Variants in FRMD3 observed in about 807,000 individuals in gnomAD.
FRMD3 encodes FERM domain-containing protein 3.
Under a neutral mutation model 70.2 loss-of-function variants are expected in FRMD3, and 33 were observed. That is an observed-to-expected ratio of 0.47 (90% CI 0.36 to 0.63). The LOEUF (loss-of-function observed/expected upper bound fraction) is 0.63. Among genes scored for constraint, FRMD3 ranks in the 20% least tolerant of loss-of-function variants. FRMD3 has a pLI of 0.00. For missense variants in FRMD3, 632 were observed against 711.4 expected, an observed-to-expected ratio of 0.89 and a Z score of 1.27; for synonymous variants, 279 against 255.9, an observed-to-expected ratio of 1.09 and a Z score of -0.86.
At chr9:83,569,242 T>C in the FRMD3 span, among the ~76,000 whole-genome samples, 2 of 152,218 alleles carry the variant, frequency 1.3e-5, no homozygotes, top group African/African-American at 2.4e-5. Context: ...AAAGAAAACA[T>C]GTAGATACTT....
intron 1 of FRMD3, among the ~76,000 whole-genome samples, chr9:83,441,764 T>C (rs1331760787): frequency 6.6e-6 from 1 of 152,162 alleles, no homozygotes; most frequent in Non-Finnish European, 1.5e-5. Flanking sequence ...TCGGTTGTTA[T>C]CTGCGGACGC....
At chr9:83,535,680 A>G (rs1587538467) in intron 1 of FRMD3, among the ~76,000 whole-genome samples, 1 of 151,990 alleles carries the variant, frequency 6.6e-6, no homozygotes, top group African/African-American at 2.4e-5. Flanking sequence ...GTGGCCCAAG[A>G]CAATTCTTCT....
intron 1 of FRMD3, among the ~76,000 whole-genome samples, chr9:83,423,914 G>A (rs1180399788): frequency 6.6e-6 from 1 of 152,100 alleles, no homozygotes; most frequent in Non-Finnish European, 1.5e-5. Flanking sequence ...CCTGTTTCAA[G>A]TTCCCAGCCA....
At chr9:83,388,978 C>T (rs1342389376) in intron 2 of FRMD3, among the ~76,000 whole-genome samples, 1 of 131,180 alleles carries the variant, frequency 7.6e-6, no homozygotes, top group East Asian at 2.3e-4. Flanking sequence ...CAGGATCTTG[C>T]TCTGTAACCC....
intron 3 of FRMD3, among the ~76,000 whole-genome samples, chr9:83,361,558 G>C (rs1042957213): frequency 6.6e-6 from 1 of 152,168 alleles, no homozygotes; most frequent in African/African-American, 2.4e-5. Context: ...CACAAAGGGG[G>C]CTAGAGGTAG....
intron 6 of FRMD3, among the ~76,000 whole-genome samples, chr9:83,317,114 A>G (rs913461322): frequency 6.6e-6 from 1 of 151,868 alleles, no homozygotes; most frequent in Non-Finnish European, 1.5e-5. Flanking sequence ...GTGGCAGAGC[A>G]AGAAAGATCC....
chr9:83,360,591 G>A (rs954947911), intron 3 of FRMD3, among the ~76,000 whole-genome samples: 1 of 152,088 alleles, frequency 6.6e-6, no homozygotes, highest in Non-Finnish European at 1.5e-5. Context: ...TACTGCCCCA[G>A]AGATATAAGG....
At chr9:83,437,668 G>A (rs1827175191) in intron 1 of FRMD3, among the ~76,000 whole-genome samples, 1 of 152,080 alleles carries the variant, frequency 6.6e-6, no homozygotes, top group South Asian at 2.1e-4. Context: ...ATACCAAGCA[G>A]ATTCCACCAT....
intron 3 of FRMD3, among the ~76,000 whole-genome samples, chr9:83,354,245 A>G (rs1225496002): frequency 3.9e-5 from 6 of 152,056 alleles, no homozygotes; most frequent in African/African-American, 1.5e-4. Context: ...GTCTTATGGA[A>G]TCAACCTAAG....
intron 10 of FRMD3, among the ~76,000 whole-genome samples, chr9:83,308,543 G>A (rs1195186654): frequency 6.6e-6 from 1 of 152,150 alleles, no homozygotes; most frequent in Non-Finnish European, 1.5e-5. Flanking sequence ...AGGTCCAGGG[G>A]TGTACAGTGC....
chr9:83,579,693 T>C, the FRMD3 span, among the ~76,000 whole-genome samples: 542 of 152,196 alleles, frequency 3.6e-3, no homozygotes, highest in Middle Eastern at 0.01. Context: ...GACAAAAGCA[T>C]AGGCAGAAAT....
intron 1 of FRMD3, among the ~76,000 whole-genome samples, chr9:83,450,230 G>C (rs370781085): frequency 8.5e-5 from 12 of 141,762 alleles, no homozygotes; most frequent in Admixed American, 3.5e-4. Flanking sequence ...CACACACACA[G>C]ACACACACAC....
At chr9:83,523,116 G>A (rs1049140078) in intron 1 of FRMD3, among the ~76,000 whole-genome samples, 8 of 152,118 alleles carry the variant, frequency 5.3e-5, no homozygotes, top group Non-Finnish European at 1.2e-4. Flanking sequence ...GTCCCCAACA[G>A]AGGTATTCAA....
chr9:83,279,431 T>G (rs1833896951), intron 13 of FRMD3: 1 of 152,194 alleles, frequency 6.6e-6, no homozygotes, highest in African/African-American at 2.4e-5. Context: ...ATGGCACCAT[T>G]TGTCCAAGGA....
At chr9:83,325,439 AC>A (rs753505638) in intron 6 of FRMD3, among the ~76,000 whole-genome samples, 165 of 152,066 alleles carry the variant, frequency 1.1e-3, no homozygotes, top group Non-Finnish European at 2.1e-3. Flanking sequence ...TGATCCTCCC[AC>A]CTCAGCCTCC....
At chr9:83,490,081 T>C (rs1291063519) in intron 1 of FRMD3, among the ~76,000 whole-genome samples, 2 of 152,160 alleles carry the variant, frequency 1.3e-5, no homozygotes, top group African/African-American at 2.4e-5. Context: ...CACCTTGCTT[T>C]TTATCTGCTA....
chr9:83,350,859 C>T (rs538550443), intron 3 of FRMD3: 113 of 545,394 alleles, frequency 2.1e-4, no homozygotes, highest in Non-Finnish European at 2.6e-4. Context: ...AGATCACTAC[C>T]GACTTGTAAT....
chr9:83,408,692 T>C (rs1826195300), intron 1 of FRMD3, among the ~76,000 whole-genome samples: 1 of 152,250 alleles, frequency 6.6e-6, no homozygotes, highest in Non-Finnish European at 1.5e-5. Flanking sequence ...TTTTATTTCT[T>C]CTGACTTGAC....
At chr9:83,370,243 G>T (rs1013713924) in intron 3 of FRMD3, among the ~76,000 whole-genome samples, 3 of 152,060 alleles carry the variant, frequency 2.0e-5, no homozygotes, top group Admixed American at 2.0e-4. Context: ...GGTTGGACTT[G>T]GTTTCTCTGG....
Sources: gnomAD v4.1 joint callset for allele counts (sites outside exome capture counted in the v4.1 genomes callset) on GRCh38, gnomAD v4.1.1 for gene constraint, MANE v1.5 for transcripts, NCBI Gene and HGNC (gene_info 2026-07-23, HGNC 2026-07-21) for gene names.